MGAT5: variants seen among roughly 807,000 people sequenced by gnomAD.
The protein encoded by MGAT5 is alpha-1,6-mannosylglycoprotein 6-beta-N-acetylglucosaminyltransferase A.
Under a neutral mutation model 94.3 loss-of-function variants are expected in MGAT5, and 30 were observed. The observed-to-expected ratio is 0.32, with a 90% CI of 0.24 to 0.43. The LOEUF is 0.43. Ranked by LOEUF, MGAT5 falls within the 20% of genes least tolerant of loss-of-function variation. The probability of loss-of-function intolerance (pLI) is 1.00; values close to 1 mark genes in which losing one functional copy is unlikely to be tolerated. For missense variants in MGAT5, 691 were observed against 905.5 expected, an observed-to-expected ratio of 0.76 and a Z score of 3.04; for synonymous variants, 310 against 322.9, an observed-to-expected ratio of 0.96 and a Z score of 0.43.
At chr2:134,195,476 A>T (rs1679450262) in intron 1 of MGAT5, among the ~76,000 whole-genome samples, 1 of 152,216 alleles carries the variant, frequency 6.6e-6, no homozygotes, top group African/African-American at 2.4e-5. Context: ...TAGAAATGAT[A>T]AGAAAGATCT....
chr2:134,444,840 G>A (rs1479017992), intron 15 of MGAT5, among the ~76,000 whole-genome samples: 3 of 152,194 alleles, frequency 2.0e-5, no homozygotes, highest in Non-Finnish European at 4.4e-5. Flanking sequence ...CATGCAGGGT[G>A]CAAGGGCGCA....
chr2:134,188,480 G>A (rs1050258175), intron 1 of MGAT5, among the ~76,000 whole-genome samples: 1 of 152,246 alleles, frequency 6.6e-6, no homozygotes, highest in African/African-American at 2.4e-5. Flanking sequence ...TGATGATTGA[G>A]TTAATACATG....
intron 11 of MGAT5, among the ~76,000 whole-genome samples, chr2:134,407,374 C>T (rs946005972): frequency 4.6e-5 from 7 of 152,086 alleles, no homozygotes; most frequent in Admixed American, 2.0e-4. Flanking sequence ...AAAAATTGTA[C>T]GAACACATCC....
chr2:134,176,453 T>C lies in MGAT5; in HGVS notation c.-143+56162T>C, dbSNP rs926958614. Among the ~76,000 whole-genome samples the C allele has an allele frequency of 5.0e-4, 75 of 151,496 alleles. 1 individual carries two copies. Among genetic ancestry groups the C allele is most frequent in the Admixed American group, 4.7e-3 (71 of 15,214 alleles). ...TGGGTGTGCTGGCATATGCCTGTAA[T>C]TCTAGCTACTCAGGGAGGCTGAGGC... On this transcript the variant is annotated intron_variant, in intron 1 of 16. Transcript: ENST00000409645.
chr2:134,365,689 A>T (rs1680384188), intron 10 of MGAT5, among the ~76,000 whole-genome samples: 1 of 152,166 alleles, frequency 6.6e-6, no homozygotes, highest in Non-Finnish European at 1.5e-5. Flanking sequence ...CTGGAGAGAA[A>T]GAGAAAGTAG....
intron 10 of MGAT5, among the ~76,000 whole-genome samples, chr2:134,373,149 G>C (rs941116997): frequency 1.3e-5 from 2 of 152,222 alleles, no homozygotes; most frequent in African/African-American, 4.8e-5. Context: ...AAAAGAAGTT[G>C]CTATCTGAGA....
intron 1 of MGAT5, among the ~76,000 whole-genome samples, chr2:134,175,963 G>A (rs1443961884): frequency 6.6e-6 from 1 of 152,116 alleles, no homozygotes; most frequent in Non-Finnish European, 1.5e-5. Context: ...GCAGGGTCCT[G>A]GATTATTTTA....
chr2:134,442,183 T>C (rs1177540432), intron 15 of MGAT5, among the ~76,000 whole-genome samples: 1 of 152,134 alleles, frequency 6.6e-6, no homozygotes, highest in Non-Finnish European at 1.5e-5. Context: ...AAGCTGTATC[T>C]GGGTTTGAAG....
intron 2 of MGAT5, among the ~76,000 whole-genome samples, chr2:134,281,235 C>T (rs1010553863): frequency 2.6e-5 from 4 of 152,228 alleles, no homozygotes; most frequent in African/African-American, 9.6e-5. Context: ...TACCTACTGA[C>T]CTTGCCCTCT....
intron 10 of MGAT5, among the ~76,000 whole-genome samples, chr2:134,396,635 A>G (rs1682727018): frequency 6.6e-6 from 1 of 152,168 alleles, no homozygotes; most frequent in Non-Finnish European, 1.5e-5. Flanking sequence ...AAGTGAAGGA[A>G]TGTGCCGTGC....
chr2:134,175,116 C>T (rs1273481541), intron 1 of MGAT5, among the ~76,000 whole-genome samples: 1 of 152,250 alleles, frequency 6.6e-6, no homozygotes, highest in African/African-American at 2.4e-5. Context: ...AGCAGCAGAG[C>T]AGTGTTCCTT....
intron 1 of MGAT5, among the ~76,000 whole-genome samples, chr2:134,143,034 C>A (rs1686735376): frequency 6.6e-6 from 1 of 152,012 alleles, no homozygotes; most frequent in Non-Finnish European, 1.5e-5. Flanking sequence ...AAATGTGAGA[C>A]AGGCCCTCCT....
rs201897167 is a variant in MGAT5, at chr2:134,336,189, C to A, written c.574-28C>A. The A allele has an allele frequency of 4.5e-4, 715 of 1,581,500 alleles. 2 individuals carry two copies. Among genetic ancestry groups the A allele is most frequent in the Non-Finnish European group, 3.9e-4 (453 of 1,152,392 alleles). ...TATTAATTCATTATAGATGAAGCTG[C>A]ATATTTAGTGTCACTGATGCTTTTT... On this transcript the variant is annotated intron_variant, in intron 4 of 15. Transcript: ENST00000281923.
At chr2:134,127,002 A>G (rs1685870247) in intron 1 of MGAT5, 1 of 153,212 alleles carries the variant, frequency 6.5e-6, no homozygotes, top group South Asian at 2.1e-4. Flanking sequence ...AGAAAGTACC[A>G]TCTCTGCCTC....
At chr2:134,323,620 T>A (rs1442782221) in intron 4 of MGAT5, among the ~76,000 whole-genome samples, 2 of 152,166 alleles carry the variant, frequency 1.3e-5, no homozygotes, top group Non-Finnish European at 2.9e-5. Flanking sequence ...CTTAGGTAGC[T>A]AACTTGCAGC....
chr2:134,442,010 G>A, intron 15 of MGAT5, 95 bp downstream of exon 15: 1 of 1,395,748 alleles, frequency 7.2e-7, no homozygotes, highest in Non-Finnish European at 9.9e-7. Context: ...CCTCTTCCAA[G>A]CTACTGGGCT....
At chr2:134,279,799 G>A (rs1684586046) in intron 2 of MGAT5, among the ~76,000 whole-genome samples, 1 of 152,162 alleles carries the variant, frequency 6.6e-6, no homozygotes, top group East Asian at 1.9e-4. Context: ...CTTACATATG[G>A]TATTGATTCA....
At chr2:134,270,661 T>A in intron 2 of MGAT5, 111 bp downstream of exon 2, 3 of 1,103,128 alleles carry the variant, frequency 2.7e-6, no homozygotes, top group Non-Finnish European at 2.5e-6. Context: ...ATAAATTCTA[T>A]AAACTTGGCA....
At chr2:134,429,809 C>A (rs983102559) in intron 14 of MGAT5, among the ~76,000 whole-genome samples, 3 of 152,218 alleles carry the variant, frequency 2.0e-5, no homozygotes, top group African/African-American at 7.2e-5. Flanking sequence ...CACATCCATA[C>A]AGATTTTGTG....
Sources: allele counts gnomAD v4.1 joint callset (sites outside exome capture counted in the v4.1 genomes callset), GRCh38; gene constraint gnomAD v4.1.1; transcripts MANE v1.5; gene names NCBI Gene and HGNC (gene_info 2026-07-23, HGNC 2026-07-21).